The following PPARA variants were observed in gnomAD, a reference collection of about 807,000 sequenced individuals.
The protein encoded by PPARA is peroxisome proliferator activated receptor alpha.
In PPARA, 22 loss-of-function variants were observed where a neutral mutation model predicts 42.2. The observed-to-expected ratio is 0.52, with a 90% CI of 0.37 to 0.74. The LOEUF is 0.74. Among genes scored for constraint, PPARA ranks in the 30% least tolerant of loss-of-function variants. The probability of loss-of-function intolerance (pLI) is 0.00; values close to 1 mark genes in which losing one functional copy is unlikely to be tolerated. For missense variants in PPARA, 465 were observed against 608.2 expected (o/e 0.76, Z 2.48); for synonymous variants, 242 against 239.3 (o/e 1.01, Z -0.10).
rs1414235115 is a variant in PPARA at position 46,238,476 on chromosome 22, C to T, written c.*3096C>T. The T allele has an allele frequency of 1.3e-5, 2 of 152,218 alleles. No homozygotes were observed. Among genetic ancestry groups the T allele is most frequent in the Non-Finnish European group, 1.5e-5 (1 of 68,042 alleles). The allele number at this position is 152,218 out of a possible 1,614,324, so 9.4% of individuals were successfully genotyped here. A position where few individuals can be genotyped will look rare whatever the true frequency, so the allele number is the denominator to read the frequency against. ...AGTGTCGGAGCACATGTGTGGCACC[C>T]GCTCCCTCTGGCAGCGAATGTAGGA... is the stretch of plus-strand genomic sequence containing the variant. On this transcript the variant is annotated 3_prime_UTR_variant, in exon 9 of 9. Transcript: ENST00000407236. This position sits in a 1 kb window ranked among gnomAD's most constrained non-coding sequence, Gnocchi z 8.3.
rs1251891744 is a variant in PPARA at position 46,192,045 on chromosome 22, CAG to C, written c.-42-6294_-42-6293del. 6.6e-6 allele frequency among the ~76,000 whole-genome samples: 1 copy of C among 152,150 alleles called. No individual in the cohort carries two copies. The highest frequency in any genetic ancestry group is 1.5e-5 in the Non-Finnish European group (1 of 68,022). ...ACGCCACTGTACTCCAGCCTGGTGA[CAG>C]AGTGAGACTCCATCTCAAAAAAAAG... On this transcript the variant is annotated intron_variant, in intron 3 of 8. Transcript: ENST00000407236. The surrounding 1 kb of genome is among the most constrained non-coding windows in gnomAD (Gnocchi z 4.3).
At chr22:46,228,230 A>G (rs1401834472) in intron 7 of PPARA, among the ~76,000 whole-genome samples, 61 of 152,158 alleles carry the variant, frequency 4.0e-4, no homozygotes. Context: ...TGAAATTCAT[A>G]ATCATCTTTG....
At position 46,227,684 on chromosome 22, in the gene PPARA, C is replaced by T. The variant is rs548016941; in HGVS notation, c.712-4108C>T. Reference sequence around the variant, plus strand: ...GGCAGCAAGCGGGGCGTTCTGCTCTCGGCATGGAGTGATTGGGGAAAATCT... The same window carrying T: ...GGCAGCAAGCGGGGCGTTCTGCTCTTGGCATGGAGTGATTGGGGAAAATCT... On this transcript the variant is annotated intron_variant, in intron 7 of 8. Transcript: ENST00000407236. The surrounding 1 kb of genome is among the most constrained non-coding windows in gnomAD (Gnocchi z 4.3). Among the ~76,000 whole-genome samples, 36 of 152,330 alleles carry T rather than the reference C, an allele frequency of 2.4e-4. No individual in the cohort carries two copies. The highest frequency in any genetic ancestry group is 2.2e-4 in the African/African-American group (9 of 41,590).
At position 46,231,807 on chromosome 22, in the gene PPARA, G is replaced by A. The variant is rs142327517; in HGVS notation, c.727G>A (p.Asp243Asn). Residue 243 changes from aspartate to asparagine, a missense_variant, in exon 8 of 9, where the codon GAT (aspartate) becomes AAT (asparagine). By Grantham distance (23) the Asp-to-Asn change is conservative. Transcript: ENST00000407236. The surrounding 1 kb of genome is among the most constrained non-coding windows in gnomAD (Gnocchi z 7.7). ...ASNNPPFVIH[D>N]METLCMAEKT... ...TCCTTTGTAGCCTTTTGTCATACAT[G>A]ATATGGAGACACTGTGTATGGCTGA... The A allele has an allele frequency of 1.1e-4, 180 of 1,613,298 alleles. No homozygotes were observed. Among genetic ancestry groups the A allele is most frequent in the Non-Finnish European group, 1.5e-4 (172 of 1,180,018 alleles).
intron 7 of PPARA, chr22:46,220,582 C>A (rs1396012703): frequency 6.0e-6 from 1 of 165,328 alleles, no homozygotes; most frequent in African/African-American, 2.4e-5. Context: ...ATCTTCCCAC[C>A]TCGGCCTCCC....
In PPARA at chr22:46,231,220, A is replaced by ATT. The variant is rs1240772516; in HGVS notation, c.712-557_712-556dup. ...TACAGGCACACACTATGCCTGGCTA[A>ATT]TTTTTTTTTTTTTTTTGAGACGGAG... On this transcript the variant is annotated intron_variant, in intron 7 of 8. Transcript: ENST00000407236. This position sits in a 1 kb window ranked among gnomAD's most constrained non-coding sequence, Gnocchi z 7.7. 0.078 allele frequency among the ~76,000 whole-genome samples: 10,079 copies of ATT among 129,922 alleles called. 536 individuals are homozygous for ATT. Among genetic ancestry groups the ATT allele is most frequent in the Non-Finnish European group, 0.11 (6,874 of 60,794 alleles). 85.2% of individuals were successfully genotyped at this position (129,922 alleles called of 152,430 possible). A position where few individuals can be genotyped will look rare whatever the true frequency, so the allele number is the denominator to read the frequency against.
At position 46,193,232 on chromosome 22, in the gene PPARA, A is replaced by G. The variant is rs1931800201; in HGVS notation, c.-42-5110A>G. ...TGGGCACGCGCCACCACACCTGGCT[A>G]ATGTTTGTATTTTTAGTAGGGACCG... On this transcript the variant is annotated intron_variant, in intron 3 of 8. Coordinates refer to ENST00000407236, the MANE Select transcript of PPARA (RefSeq NM_005036.6). The surrounding 1 kb of genome is among the most constrained non-coding windows in gnomAD (Gnocchi z 5.3). 2.0e-5 allele frequency among the ~76,000 whole-genome samples: 3 copies of G among 151,974 alleles called. No individual in the cohort carries two copies. The highest frequency in any genetic ancestry group is 7.2e-5 in the African/African-American group (3 of 41,380).
intron 4 of PPARA, among the ~76,000 whole-genome samples, chr22:46,205,623 G>C (rs1425046803): frequency 1.6e-5 from 2 of 128,354 alleles, no homozygotes; most frequent in Non-Finnish European, 3.1e-5. Flanking sequence ...CTGGAGTGCA[G>C]TGGTGCAATC....
In PPARA at chr22:46,173,490, C is replaced by T. The variant is rs879918053; in HGVS notation, c.-126-3263C>T. 1.1e-4 allele frequency among the ~76,000 whole-genome samples: 17 copies of T among 152,154 alleles called. No individual in the cohort carries two copies. Among genetic ancestry groups the T allele is most frequent in the Non-Finnish European group, 2.1e-4 (14 of 68,030 alleles). ...CAGATATCTGTCACAATATAAGTTA[C>T]TATAAGTCAGTACTAAGGCAGCTGC... On this transcript the variant is annotated intron_variant, in intron 2 of 8. Transcript: ENST00000407236. This position sits in a 1 kb window ranked among gnomAD's most constrained non-coding sequence, Gnocchi z 4.3.
chr22:46,161,101 G>A lies in PPARA; in HGVS notation c.-127+9131G>A, dbSNP rs959162999. On this transcript the variant is annotated intron_variant, in intron 2 of 8. Coordinates refer to ENST00000407236, the MANE Select transcript of PPARA (RefSeq NM_005036.6). The surrounding 1 kb of genome is among the most constrained non-coding windows in gnomAD (Gnocchi z 4.8). ...AAGACTTAAAAGAAACAAGAACCCA[G>A]AGGGAAAATATGGCCATGGACTCAG... is the stretch of plus-strand genomic sequence containing the variant. Among the ~76,000 whole-genome samples, 1 of 152,186 alleles carries A rather than the reference G, an allele frequency of 6.6e-6. No homozygotes were observed. The highest frequency in any genetic ancestry group is 1.5e-5 in the Non-Finnish European group (1 of 68,042).
At position 46,241,462 on chromosome 22, in the gene PPARA, T is replaced by C. The variant is rs1414239455; in HGVS notation, c.*6082T>C. The C allele has an allele frequency of 6.6e-6, 1 of 152,244 alleles. No homozygotes were observed. Among genetic ancestry groups the C allele is most frequent in the Non-Finnish European group, 1.5e-5 (1 of 68,036 alleles). The allele number at this position is 152,244 out of a possible 1,614,324, so 9.4% of individuals were successfully genotyped here. A position where few individuals can be genotyped will look rare whatever the true frequency, so the allele number is the denominator to read the frequency against. ...TTTCCATTACGCTATTTCTGTGAAA[T>C]GCAGCAGGTTCTTAAACGTTATTTC... On this transcript the variant is annotated 3_prime_UTR_variant, in exon 9 of 9. Coordinates refer to ENST00000407236, the MANE Select transcript of PPARA (RefSeq NM_005036.6). The surrounding 1 kb of genome is among the most constrained non-coding windows in gnomAD (Gnocchi z 5.7).
rs546658794 is a variant in PPARA at position 46,197,861 on chromosome 22, A to G, written c.-42-481A>G. ...GGAGGTTGCAGTGAGCTGAGATCGC[A>G]CCACTGTACTCCAGCCTGGGCGACA... On this transcript the variant is annotated intron_variant, in intron 3 of 8. Transcript: ENST00000407236. 6.6e-5 allele frequency among the ~76,000 whole-genome samples: 10 copies of G among 150,874 alleles called. No individual in the cohort carries two copies. In the South Asian group the frequency reaches 2.1e-3, roughly 32 times the overall value.
rs376039890 is a variant in PPARA, at chr22:46,236,447, G to A, written c.*1067G>A. On this transcript the variant is annotated 3_prime_UTR_variant, in exon 9 of 9. Coordinates refer to ENST00000407236, the MANE Select transcript of PPARA (RefSeq NM_005036.6). This position sits in a 1 kb window ranked among gnomAD's most constrained non-coding sequence, Gnocchi z 5.2. ...AGCTAGCACCCGTGGTAAGCGGGAC[G>A]AGACAAGCTCCCGAAGCCCGCCAGC... 1.3e-5 allele frequency: 2 copies of A among 152,762 alleles called. No individual in the cohort carries two copies. Among genetic ancestry groups the A allele is most frequent in the South Asian group, 2.1e-4 (1 of 4,832 alleles). The allele number at this position is 152,762 out of a possible 1,614,324, so 9.5% of individuals were successfully genotyped here.
chr22:46,155,933 A>T (rs1158589726), intron 2 of PPARA: 1 of 152,208 alleles, frequency 6.6e-6, no homozygotes, highest in Non-Finnish European at 1.5e-5. Context: ...TCCAGACAGG[A>T]CCGGATTTGC....
intron 4 of PPARA, among the ~76,000 whole-genome samples, chr22:46,206,972 G>A (rs981644969): frequency 1.3e-5 from 2 of 152,016 alleles, no homozygotes; most frequent in African/African-American, 2.4e-5. Flanking sequence ...CCTGTAATCC[G>A]AGCACTTTGG....
At chr22:46,176,862 G>A (rs996973756) in intron 3 of PPARA, 26 bp downstream of exon 3, 9 of 152,226 alleles carry the variant, frequency 5.9e-5, no homozygotes, top group Admixed American at 1.3e-4. Flanking sequence ...GGAGCATCGT[G>A]TCTTCCTGGT....
In PPARA at chr22:46,241,826, G is replaced by T. The variant is rs1407648031; in HGVS notation, c.*6446G>T. On this transcript the variant is annotated 3_prime_UTR_variant, in exon 9 of 9. Coordinates refer to ENST00000407236, the MANE Select transcript of PPARA (RefSeq NM_005036.6). This position sits in a 1 kb window ranked among gnomAD's most constrained non-coding sequence, Gnocchi z 5.7. ...CAAAAACAGACCAACAGACCAGATG[G>T]TGTCCATGTTCAATATCATGTCTTG... The T allele has an allele frequency of 6.6e-6, 1 of 151,086 alleles. No homozygotes were observed. Among genetic ancestry groups the T allele is most frequent in the African/African-American group, 2.4e-5 (1 of 40,998 alleles). 9.4% of individuals were successfully genotyped at this position (151,086 alleles called of 1,614,324 possible). A position where few individuals can be genotyped will look rare whatever the true frequency, so the allele number is the denominator to read the frequency against.
rs1934519208 is a variant in PPARA, at chr22:46,216,635, T to C, written c.369+1302T>C. 6.6e-6 allele frequency among the ~76,000 whole-genome samples: 1 copy of C among 152,174 alleles called. No homozygotes were observed. The highest frequency in any genetic ancestry group is 1.9e-4 in the East Asian group (1 of 5,190). On this transcript the variant is annotated intron_variant, in intron 5 of 8. Coordinates refer to ENST00000407236, the MANE Select transcript of PPARA (RefSeq NM_005036.6). This position sits in a 1 kb window ranked among gnomAD's most constrained non-coding sequence, Gnocchi z 4.5. The stretch of plus-strand genomic sequence containing the variant: ...CTCCTGCTCCCCAGCAGTTCCTTCC[T>C]GCACATCAGGGGCTTCTCCACCTGA...
rs191484538 is a variant in PPARA at position 46,173,880 on chromosome 22, C to T, written c.-126-2873C>T. ...CAACTCACCCTCAAATACACACACA[C>T]ATACACATATATACATACATACCTA... On this transcript the variant is annotated intron_variant, in intron 2 of 8. Coordinates refer to ENST00000407236, the MANE Select transcript of PPARA (RefSeq NM_005036.6). This position sits in a 1 kb window ranked among gnomAD's most constrained non-coding sequence, Gnocchi z 4.3. Among the ~76,000 whole-genome samples, 1 of 151,996 alleles carries T rather than the reference C, an allele frequency of 6.6e-6. No individual in the cohort carries two copies. The highest frequency in any genetic ancestry group is 1.9e-4 in the East Asian group (1 of 5,182).
Sources: gnomAD v4.1 joint callset for allele counts (sites outside exome capture counted in the v4.1 genomes callset) on GRCh38, gnomAD v4.1.1 for gene constraint, Gnocchi (gnomAD v3.1) non-coding constraint, MANE v1.5 for transcripts, NCBI Gene and HGNC (gene_info 2026-07-23, HGNC 2026-07-21) for gene names.